Variants in RBFOX1 observed in about 807,000 individuals in gnomAD.
The protein encoded by RBFOX1 is RNA binding protein fox-1 homolog 1.
Under a neutral mutation model 57.7 loss-of-function variants are expected in RBFOX1, and 8 were observed. The ratio of observed to expected loss-of-function variants is 0.14; its 90% CI spans 0.08 to 0.25. The LOEUF is 0.25. RBFOX1 is among the 10% of genes least tolerant of loss of function. The pLI, the probability that RBFOX1 is intolerant of heterozygous loss-of-function variation, is 1.00. For synonymous variants in RBFOX1, 326 were observed against 222.4 expected (o/e 1.47, Z -4.15); for missense variants, 611 against 548.5 (o/e 1.11, Z -1.14).
chr16:5,296,518 C>A (rs1046822167), intron 1 of RBFOX1, among the ~76,000 whole-genome samples: 7 of 151,744 alleles, frequency 4.6e-5, no homozygotes, highest in African/African-American at 1.7e-4. Flanking sequence ...GAGACAAATC[C>A]TTGGTTCTCA....
chr16:7,550,449 T>C (rs1170363073), intron 5 of RBFOX1, among the ~76,000 whole-genome samples: 1 of 152,180 alleles, frequency 6.6e-6, no homozygotes, highest in Non-Finnish European at 1.5e-5. Flanking sequence ...CAGAGCCGTG[T>C]TGTCCCATTG....
intron 13 of RBFOX1, among the ~76,000 whole-genome samples, chr16:7,669,169 G>C (rs1333200487): frequency 1.3e-5 from 2 of 152,166 alleles, no homozygotes; most frequent in Non-Finnish European, 2.9e-5. Flanking sequence ...CTCCCAAAGT[G>C]CTGGGATTAC....
chr16:6,438,184 A>C (rs2094288273), intron 2 of RBFOX1, among the ~76,000 whole-genome samples: 1 of 152,254 alleles, frequency 6.6e-6, no homozygotes, highest in Non-Finnish European at 1.5e-5. Context: ...AAGACCGTAC[A>C]ATGTAATAAT....
intron 3 of RBFOX1, among the ~76,000 whole-genome samples, chr16:6,958,221 C>T (rs1156454869): frequency 6.6e-6 from 1 of 152,166 alleles, no homozygotes; most frequent in Non-Finnish European, 1.5e-5. Context: ...TAAGCTTGGC[C>T]GTCTTTGCTG....
At chr16:5,462,227 G>A (rs924169670) in intron 1 of RBFOX1, among the ~76,000 whole-genome samples, 6 of 146,282 alleles carry the variant, frequency 4.1e-5, no homozygotes, top group African/African-American at 1.5e-4. Context: ...GGAGTGCAGC[G>A]GCACTATCTC....
chr16:5,746,105 T>G (rs1355842744), intron 3 of RBFOX1, among the ~76,000 whole-genome samples: 1 of 152,250 alleles, frequency 6.6e-6, no homozygotes, highest in African/African-American at 2.4e-5. Flanking sequence ...CATCTTGAAT[T>G]AATTTTTGTA....
At chr16:6,709,730 C>T (rs555179667) in intron 3 of RBFOX1, among the ~76,000 whole-genome samples, 4 of 152,188 alleles carry the variant, frequency 2.6e-5, no homozygotes, top group Admixed American at 2.0e-4. Flanking sequence ...GAACAGTTCC[C>T]TGGTAACTTA....
At chr16:6,745,594 A>T (rs980254073) in intron 3 of RBFOX1, among the ~76,000 whole-genome samples, 1 of 152,226 alleles carries the variant, frequency 6.6e-6, no homozygotes, top group Non-Finnish European at 1.5e-5. Flanking sequence ...ACAAAATCCA[A>T]AATGGATTCT....
chr16:6,865,250 G>A (rs149330874), intron 3 of RBFOX1, among the ~76,000 whole-genome samples: 4 of 151,934 alleles, frequency 2.6e-5, no homozygotes, highest in Admixed American at 6.6e-5. Context: ...TGATCCACCC[G>A]CCTTGGCCTC....
In RBFOX1 at chr16:6,060,128, T is replaced by TG. The variant is rs1301434374; in HGVS notation, c.-127+40136_-127+40137insG. On this transcript the variant is annotated intron_variant, in intron 1 of 15. Coordinates refer to ENST00000550418, the MANE Select transcript of RBFOX1 (RefSeq NM_018723.4). ...CCCTAAAATTAGGATTAGGGTTTTT[T>TG]TTTTTTTTTTTTTTTTTTTTTTTTT... 7.6e-3 allele frequency among the ~76,000 whole-genome samples: 84 copies of TG among 11,078 alleles called. 1 individual carries two copies. Among genetic ancestry groups the TG allele is most frequent in the East Asian group, 0.075 (41 of 550 alleles). 7.3% of individuals were successfully genotyped at this position (11,078 alleles called of 152,430 possible).
intron 1 of RBFOX1, among the ~76,000 whole-genome samples, chr16:6,084,962 T>A: frequency 6.6e-6 from 1 of 152,186 alleles, no homozygotes. Context: ...AAGAGCTTGA[T>A]AGTGATCAGA....
intron 4 of RBFOX1, among the ~76,000 whole-genome samples, chr16:7,460,830 C>T (rs1242906636): frequency 6.6e-6 from 1 of 152,108 alleles, no homozygotes; most frequent in Non-Finnish European, 1.5e-5. Context: ...TCCAGCCTCC[C>T]TCCCAAAATT....
chr16:5,318,999 C>T (rs957228359), intron 1 of RBFOX1, among the ~76,000 whole-genome samples: 4 of 151,970 alleles, frequency 2.6e-5, no homozygotes, highest in Admixed American at 1.3e-4. Context: ...TGGTGGCGTG[C>T]GCCTGTAGTC....
chr16:6,608,397 A>C (rs567313568), intron 2 of RBFOX1, among the ~76,000 whole-genome samples: 1 of 152,202 alleles, frequency 6.6e-6, no homozygotes, highest in African/African-American at 2.4e-5. Context: ...ATGTTTATAC[A>C]CATTAGTTTT....
chr16:7,447,966 A>G (rs2098821572), intron 4 of RBFOX1, among the ~76,000 whole-genome samples: 1 of 152,192 alleles, frequency 6.6e-6, no homozygotes, highest in African/African-American at 2.4e-5. Context: ...GTACTGAATC[A>G]GGATCTCTGG....
At chr16:5,360,150 T>C (rs1023552875) in intron 1 of RBFOX1, among the ~76,000 whole-genome samples, 1 of 152,230 alleles carries the variant, frequency 6.6e-6, no homozygotes, top group Non-Finnish European at 1.5e-5. Flanking sequence ...CATAGGCTCC[T>C]GATCATCCCA....
intron 4 of RBFOX1, among the ~76,000 whole-genome samples, chr16:5,885,319 T>TA (rs58317550): frequency 0.03 from 3,712 of 124,918 alleles, 49 homozygotes; most frequent in Middle Eastern, 0.079. Flanking sequence ...CCTGGAGGCT[T>TA]AAAAAAAAAA....
chr16:6,607,262 G>A (rs1259772583), intron 2 of RBFOX1, among the ~76,000 whole-genome samples: 1 of 152,012 alleles, frequency 6.6e-6, no homozygotes, highest in Non-Finnish European at 1.5e-5. Context: ...AATTCATTGT[G>A]GTTATTAGGA....
At chr16:7,541,455 T>C (rs2082910311) in intron 5 of RBFOX1, among the ~76,000 whole-genome samples, 1 of 148,872 alleles carries the variant, frequency 6.7e-6, no homozygotes, top group South Asian at 2.1e-4. Flanking sequence ...GTGTTTGTTT[T>C]TATCAGGTTT....
Sources: gnomAD v4.1 joint callset for allele counts (sites outside exome capture counted in the v4.1 genomes callset) on GRCh38, gnomAD v4.1.1 for gene constraint, MANE v1.5 for transcripts, NCBI Gene and HGNC (gene_info 2026-07-23, HGNC 2026-07-21) for gene names.